The following TXNDC16 variants were observed in gnomAD, a reference collection of about 807,000 sequenced individuals.
The protein encoded by TXNDC16 is thioredoxin domain-containing protein 16.
TXNDC16 carries 74 observed loss-of-function variants against 85.6 expected under a neutral mutation model. The ratio of observed to expected loss-of-function variants is 0.86; its 90% confidence interval spans 0.72 to 1.05. The LOEUF (loss-of-function observed/expected upper bound fraction) is 1.05. TXNDC16 is among the 50% of genes least tolerant of loss of function. The pLI is 0.00. For synonymous variants in TXNDC16, 335 were observed against 326.5 expected, an observed-to-expected ratio of 1.03 and a Z score of -0.28; for missense variants, 959 against 947.0, an observed-to-expected ratio of 1.01 and a Z score of -0.17.
chr14:52,482,626 A>G (rs902138313), intron 13 of TXNDC16, among the ~76,000 whole-genome samples, 196 bp downstream of exon 13: 11 of 152,152 alleles, frequency 7.2e-5, no homozygotes, highest in African/African-American at 2.7e-4. Flanking sequence ...TTAATCATTC[A>G]CCTTTAATTT....
intron 1 of TXNDC16, among the ~76,000 whole-genome samples, chr14:52,549,388 T>C (rs186563784): frequency 6.6e-6 from 1 of 152,274 alleles, no homozygotes; most frequent in Admixed American, 6.5e-5. Flanking sequence ...GGCTAAAGCG[T>C]GCACATAAAA....
intron 13 of TXNDC16, 117 bp downstream of exon 13, chr14:52,482,705 C>A (rs886610904): frequency 1.8e-5 from 15 of 837,090 alleles, no homozygotes; most frequent in Admixed American, 6.6e-5. Flanking sequence ...ACACAGTCTA[C>A]TTGAGACATA....
At chr14:52,469,211 G>A (rs1402977970) in intron 16 of TXNDC16, among the ~76,000 whole-genome samples, 1 of 151,956 alleles carries the variant, frequency 6.6e-6, no homozygotes, top group African/African-American at 2.4e-5. Flanking sequence ...GCTGGGCATG[G>A]TGGCACATGT....
chr14:52,475,315 C>T (rs1274817596), intron 14 of TXNDC16, among the ~76,000 whole-genome samples: 2 of 152,134 alleles, frequency 1.3e-5, no homozygotes, highest in African/African-American at 2.4e-5. Context: ...CGAAGAGTCT[C>T]CTGGCCAGAA....
At chr14:52,516,655 G>C (rs1019335413) in intron 7 of TXNDC16, among the ~76,000 whole-genome samples, 1 of 152,062 alleles carries the variant, frequency 6.6e-6, no homozygotes. Flanking sequence ...AAATTTTCTT[G>C]AAGTATTTCT....
intron 12 of TXNDC16, among the ~76,000 whole-genome samples, chr14:52,485,561 A>G (rs568000553): frequency 7.0e-4 from 106 of 152,342 alleles, no homozygotes; most frequent in African/African-American, 2.5e-3. Context: ...TGCAAGCTCC[A>G]TACATGGTAT....
At chr14:52,483,728 T>C (rs530935741) in intron 12 of TXNDC16, among the ~76,000 whole-genome samples, 9 of 152,218 alleles carry the variant, frequency 5.9e-5, no homozygotes, top group African/African-American at 9.6e-5. Context: ...TTCCTTTAGA[T>C]AGACCAATCA....
chr14:52,448,476 C>T (rs967083354), intron 18 of TXNDC16, among the ~76,000 whole-genome samples: 2 of 151,782 alleles, frequency 1.3e-5, no homozygotes, highest in African/African-American at 4.8e-5. Context: ...TAAAAACTTC[C>T]CCAGACAAAC....
At chr14:52,469,904 C>T (rs1475653508) in intron 16 of TXNDC16, 133 bp downstream of exon 16, 7 of 859,630 alleles carry the variant, frequency 8.1e-6, no homozygotes, top group African/African-American at 5.3e-5. Flanking sequence ...AATTAGCTTA[C>T]GATATTTTAT....
intron 9 of TXNDC16, among the ~76,000 whole-genome samples, chr14:52,491,480 G>A (rs893263779): frequency 6.6e-6 from 1 of 150,984 alleles, no homozygotes; most frequent in Non-Finnish European, 1.5e-5. Context: ...TTACAGGCAT[G>A]AGCCATCGTG....
intron 18 of TXNDC16, among the ~76,000 whole-genome samples, chr14:52,446,831 G>A (rs2035295651): frequency 6.6e-6 from 1 of 151,982 alleles, no homozygotes; most frequent in African/African-American, 2.4e-5. Context: ...GGGCCAGAAG[G>A]GAAACTGCTA....
chr14:52,528,888 A>G (rs1429261858), intron 6 of TXNDC16, among the ~76,000 whole-genome samples: 2 of 147,518 alleles, frequency 1.4e-5, no homozygotes, highest in Admixed American at 1.4e-4. Context: ...TATATTATCT[A>G]TAATACCTAT....
chr14:52,523,651 CAA>C (rs1443101022), intron 6 of TXNDC16, among the ~76,000 whole-genome samples: 1 of 151,954 alleles, frequency 6.6e-6, no homozygotes, highest in Non-Finnish European at 1.5e-5. Context: ...AAAAACAAAC[CAA>C]ACAGGTAGAA....
chr14:52,506,986 C>G (rs2036824910), intron 9 of TXNDC16, among the ~76,000 whole-genome samples: 1 of 151,942 alleles, frequency 6.6e-6, no homozygotes. Context: ...TGGAAGCATT[C>G]CCTTTGAAAA....
At chr14:52,448,378 C>G (rs2035332331) in intron 18 of TXNDC16, among the ~76,000 whole-genome samples, 1 of 150,884 alleles carries the variant, frequency 6.6e-6, no homozygotes, top group Non-Finnish European at 1.5e-5. Flanking sequence ...AATAACATGA[C>G]ATATTTAAAG....
At chr14:52,453,577 C>T (rs1027076960) in intron 18 of TXNDC16, among the ~76,000 whole-genome samples, 15 of 152,042 alleles carry the variant, frequency 9.9e-5, no homozygotes, top group African/African-American at 3.1e-4. Context: ...AAGCCAGGCA[C>T]AGAAAGACAA....
intron 4 of TXNDC16, among the ~76,000 whole-genome samples, chr14:52,541,537 A>G (rs1346661351): frequency 6.6e-6 from 1 of 152,234 alleles, no homozygotes; most frequent in African/African-American, 2.4e-5. Flanking sequence ...CATTTAAAAA[A>G]TAGATATTTT....
At chr14:52,480,344 C>T (rs4088516) in intron 14 of TXNDC16, among the ~76,000 whole-genome samples, 77,669 of 151,806 alleles carry the variant, frequency 0.51, 20,827 homozygotes, top group East Asian at 0.7. Context: ...CTAAAGAGCT[C>T]TTGCACAGCA....
At chr14:52,542,012 T>C (rs563847201) in intron 4 of TXNDC16, among the ~76,000 whole-genome samples, 1 of 152,260 alleles carries the variant, frequency 6.6e-6, no homozygotes, top group Admixed American at 6.5e-5. Flanking sequence ...CTAATAAAAA[T>C]TTAAAAACAG....
Sources: allele counts gnomAD v4.1 joint callset (sites outside exome capture counted in the v4.1 genomes callset), GRCh38; gene constraint gnomAD v4.1.1; transcripts MANE v1.5; gene names NCBI Gene and HGNC (gene_info 2026-07-23, HGNC 2026-07-21).